Variants in ANKFN1 observed in about 807,000 individuals in gnomAD.
ANKFN1 encodes the protein ankyrin repeat and fibronectin type III domain containing 1.
Under a neutral mutation model 108.7 loss-of-function variants are expected in ANKFN1, and 74 were observed. The observed-to-expected ratio is 0.68, with a 90% CI of 0.56 to 0.83. The LOEUF is 0.83. Among genes scored for constraint, ANKFN1 ranks in the 40% least tolerant of loss-of-function variants. The pLI, the probability that ANKFN1 is intolerant of heterozygous loss-of-function variation, is 0.00. For synonymous variants in ANKFN1, 547 were observed against 516.2 expected (o/e 1.06, Z -0.81); for missense variants, 1,505 against 1,382.3 (o/e 1.09, Z -1.41).
chr17:56,176,231 T>C (rs1376256137), intron 1 of ANKFN1, among the ~76,000 whole-genome samples: 1 of 152,010 alleles, frequency 6.6e-6, no homozygotes. Context: ...GAGGGAAGAA[T>C]GGCAATCGCT....
At chr17:56,464,898 T>A (rs148763280) in intron 14 of ANKFN1, among the ~76,000 whole-genome samples, 60 of 152,250 alleles carry the variant, frequency 3.9e-4, no homozygotes, top group African/African-American at 1.3e-3. Flanking sequence ...TGAAATTCAA[T>A]ACCAAATATA....
At chr17:56,162,510 A>G (rs868710336) in intron 1 of ANKFN1, among the ~76,000 whole-genome samples, 1 of 152,202 alleles carries the variant, frequency 6.6e-6, no homozygotes. Flanking sequence ...TTATAAGGAC[A>G]CAGTCATATT....
chr17:56,504,518 T>C (rs2051487175), intron 20 of ANKFN1, among the ~76,000 whole-genome samples: 1 of 152,212 alleles, frequency 6.6e-6, no homozygotes, highest in African/African-American at 2.4e-5. Context: ...TTATTCACCT[T>C]TATTATCAAC....
At chr17:56,495,313 G>GTCTCTCTCTC (rs150627971) in intron 19 of ANKFN1, among the ~76,000 whole-genome samples, 235 of 147,562 alleles carry the variant, frequency 1.6e-3, no homozygotes, top group African/African-American at 3.2e-3. Flanking sequence ...TGACTTTGTG[G>GTCTCTCTCTC]TCTCTCTCTC....
In ANKFN1 at chr17:56,256,665, A is replaced by T. The variant is rs566357802; in HGVS notation, c.53+28708A>T. Among the ~76,000 whole-genome samples the T allele has an allele frequency of 5.9e-5, 9 of 152,190 alleles. No homozygotes were observed. The South Asian group carries it at 1.9e-3, about 32-fold the overall frequency. The stretch of plus-strand genomic sequence containing the variant: ...AGTATGTACCCCATATTAAGGACCA[A>T]TTATGAAACAAGCCCTTTATCTATT... On this transcript the variant is annotated intron_variant, in intron 3 of 20. Transcript: ENST00000682825.
intron 3 of ANKFN1, among the ~76,000 whole-genome samples, chr17:56,306,334 G>A (rs988340830): frequency 2.0e-5 from 3 of 152,148 alleles, no homozygotes; most frequent in East Asian, 3.9e-4. Context: ...TTTTCCACTA[G>A]CATTTTGTAG....
chr17:56,295,804 AAG>A (rs2044493868), intron 3 of ANKFN1, among the ~76,000 whole-genome samples: 1 of 152,220 alleles, frequency 6.6e-6, no homozygotes, highest in Non-Finnish European at 1.5e-5. Flanking sequence ...TGGAAGGGGA[AAG>A]AGAGAATGAG....
At chr17:56,329,511 C>T (rs1189036998) in intron 4 of ANKFN1, among the ~76,000 whole-genome samples, 2 of 152,172 alleles carry the variant, frequency 1.3e-5, no homozygotes, top group East Asian at 3.9e-4. Flanking sequence ...ACTCACCCCT[C>T]TGTGCTACTT....
intron 3 of ANKFN1, among the ~76,000 whole-genome samples, chr17:56,297,216 CTTATTG>C (rs1012682841): frequency 1.3e-5 from 2 of 152,168 alleles, no homozygotes; most frequent in African/African-American, 4.8e-5. Flanking sequence ...TTCCTTTCTC[CTTATTG>C]TTACGGCGTC....
intron 4 of ANKFN1, among the ~76,000 whole-genome samples, chr17:56,070,205 C>T (rs145167678): frequency 0.011 from 1,734 of 152,314 alleles, 16 homozygotes; most frequent in Middle Eastern, 0.044. Context: ...CCCTACTCAA[C>T]ATGGAGTTGC....
intron 2 of ANKFN1, among the ~76,000 whole-genome samples, chr17:56,219,258 T>A (rs1165398563): frequency 6.6e-6 from 1 of 152,090 alleles, no homozygotes; most frequent in African/African-American, 2.4e-5. Context: ...TGTTTATTTT[T>A]TTTTTTGATA....
chr17:56,350,790 A>G lies in ANKFN1; in HGVS notation c.213A>G (p.Gln71=). The G allele has an allele frequency of 1.2e-6, 2 of 1,613,702 alleles. No homozygotes were observed. The highest frequency in any genetic ancestry group is 1.7e-6 in the Non-Finnish European group (2 of 1,179,774). ...GGAATTGTCGTGTGAAAATGACGCA[A>G]CAAATGCAAAATTTACATCTCTGTC... ...INWNCRVKMT[Q]QMQNLHLCQS... The change falls in exon 5 of 21, where the codon CAA becomes CAG. Residue 71 remains glutamine (Q), a synonymous_variant. Coordinates refer to ENST00000682825, the MANE Select transcript of ANKFN1 (RefSeq NM_001370326.1).
chr17:56,450,742 A>G (rs1391837762), intron 11 of ANKFN1, among the ~76,000 whole-genome samples: 1 of 152,216 alleles, frequency 6.6e-6, no homozygotes. Flanking sequence ...ATTCTTGGAA[A>G]TTCATAAGCC....
At chr17:56,378,149 G>A (rs2046993033) in intron 8 of ANKFN1, among the ~76,000 whole-genome samples, 1 of 152,156 alleles carries the variant, frequency 6.6e-6, no homozygotes, top group African/African-American at 2.4e-5. Context: ...TAGTGTATCT[G>A]CTTCTGCAGT....
intron 3 of ANKFN1, among the ~76,000 whole-genome samples, chr17:56,230,581 C>T (rs1441327921): frequency 6.6e-6 from 1 of 152,080 alleles, no homozygotes; most frequent in Non-Finnish European, 1.5e-5. Flanking sequence ...TAGAACACTA[C>T]TGGGCCAGGT....
At chr17:56,444,563 C>T (rs2049219372) in intron 10 of ANKFN1, among the ~76,000 whole-genome samples, 2 of 152,150 alleles carry the variant, frequency 1.3e-5, no homozygotes, top group Non-Finnish European at 1.5e-5. Context: ...GCATCATTGT[C>T]ACTATCATCT....
At position 56,354,044 on chromosome 17, in the gene ANKFN1, A is replaced by G; in HGVS notation, c.599A>G (p.His200Arg). 2 of 1,613,528 alleles carry G rather than the reference A, an allele frequency of 1.2e-6. No individual in the cohort carries two copies. The highest frequency in any genetic ancestry group is 2.2e-5 in the East Asian group (1 of 44,798). ...AGGACAGGGGCCCGAGAAAGTCCACACTGTAAGTAACCTGAGAATAAACAC... is the reference window on the plus strand; with the variant it reads ...AGGACAGGGGCCCGAGAAAGTCCACGCTGTAAGTAACCTGAGAATAAACAC... ...LLRTGARESP[H>R]FVSLESRAMH... is the part of the protein sequence containing the mutation. Residue 200 changes from histidine (H) to arginine (R), a missense_variant and splice_region_variant, in exon 6 of 21, where the codon CAC becomes CGC. Transcript: ENST00000682825.
At chr17:56,272,799 C>G (rs8072113) in intron 3 of ANKFN1, among the ~76,000 whole-genome samples, 15,220 of 152,126 alleles carry the variant, frequency 0.1, 911 homozygotes, top group African/African-American at 0.17. Context: ...AATGGTGCAC[C>G]GGTTACATTT....
At chr17:56,493,423 G>A (rs1413545883) in intron 19 of ANKFN1, among the ~76,000 whole-genome samples, 2 of 152,156 alleles carry the variant, frequency 1.3e-5, no homozygotes, top group Admixed American at 6.5e-5. Flanking sequence ...AGCATTCAAA[G>A]AGAAAGTATA....
Sources: allele counts gnomAD v4.1 joint callset (sites outside exome capture counted in the v4.1 genomes callset), GRCh38; gene constraint gnomAD v4.1.1; transcripts MANE v1.5; gene names NCBI Gene and HGNC (gene_info 2026-07-23, HGNC 2026-07-21).